Variants in SNX6 observed in about 807,000 individuals in gnomAD.
SNX6 encodes sorting nexin 6, also known as sorting nexin-6.
Under a neutral mutation model 63.0 loss-of-function variants are expected in SNX6, and 34 were observed. The ratio of observed to expected loss-of-function variants is 0.54; its 90% CI spans 0.41 to 0.72. The LOEUF is 0.72. Ranked by LOEUF, SNX6 falls within the 30% of genes least tolerant of loss-of-function variation. The pLI is 0.00. For synonymous variants in SNX6, 170 were observed against 164.2 expected (o/e 1.04, Z -0.27); for missense variants, 398 against 471.4 (o/e 0.84, Z 1.44).
intron 2 of SNX6, among the ~76,000 whole-genome samples, chr14:34,618,009 A>G (rs926729177): frequency 6.6e-6 from 1 of 152,004 alleles, no homozygotes. Flanking sequence ...AACATCCCTA[A>G]GACGTCAGTT....
chr14:34,599,485 T>C (rs893643631), intron 6 of SNX6, among the ~76,000 whole-genome samples: 13 of 151,884 alleles, frequency 8.6e-5, no homozygotes, highest in Admixed American at 7.2e-4. Context: ...CATCCGCCTA[T>C]AATCCCAGCT....
intron 9 of SNX6, among the ~76,000 whole-genome samples, chr14:34,582,741 C>T (rs1881993624): frequency 6.6e-6 from 1 of 151,712 alleles, no homozygotes; most frequent in African/African-American, 2.4e-5. Flanking sequence ...TGGGGTTTCG[C>T]CATGTTGGCC....
chr14:34,629,566 G>A (rs1461697317), intron 2 of SNX6: 4 of 581,270 alleles, frequency 6.9e-6, no homozygotes, highest in African/African-American at 5.5e-5. Flanking sequence ...GGTTTTCATG[G>A]CCCCAAAGTG....
At chr14:34,600,469 G>A (rs532511139) in intron 6 of SNX6, among the ~76,000 whole-genome samples, 1 of 151,198 alleles carries the variant, frequency 6.6e-6, no homozygotes, top group South Asian at 2.1e-4. Flanking sequence ...AAAAGAGACA[G>A]GTCTCACTAT....
intron 8 of SNX6, among the ~76,000 whole-genome samples, chr14:34,586,621 T>A (rs1882167249): frequency 6.6e-6 from 1 of 152,058 alleles, no homozygotes; most frequent in East Asian, 1.9e-4. Flanking sequence ...GGCAGGAGAA[T>A]CATCTGAACC....
At chr14:34,607,564 C>T (rs1193206630) in intron 4 of SNX6, among the ~76,000 whole-genome samples, 1 of 151,848 alleles carries the variant, frequency 6.6e-6, no homozygotes, top group Non-Finnish European at 1.5e-5. Flanking sequence ...GAACAAAGAT[C>T]AGGCCATTGC....
intron 6 of SNX6, among the ~76,000 whole-genome samples, chr14:34,599,770 T>C (rs547626131): frequency 3.4e-5 from 2 of 58,848 alleles, no homozygotes; most frequent in South Asian, 1.4e-3. Context: ...CAAGACTCTG[T>C]CTCAAAAAAA....
intron 7 of SNX6, among the ~76,000 whole-genome samples, chr14:34,597,228 T>C (rs1004590253): frequency 7.9e-5 from 12 of 152,154 alleles, no homozygotes; most frequent in Admixed American, 2.6e-4. Flanking sequence ...ACTCAGGAAG[T>C]TGCCCATATA....
chr14:34,570,205 G>A (rs897488920), intron 11 of SNX6, among the ~76,000 whole-genome samples: 1 of 151,768 alleles, frequency 6.6e-6, no homozygotes, highest in Non-Finnish European at 1.5e-5. Flanking sequence ...AGTACCTTGA[G>A]ATTACAGGCA....
chr14:34,598,943 G>A (rs1349253275), intron 6 of SNX6, among the ~76,000 whole-genome samples: 4 of 152,152 alleles, frequency 2.6e-5, no homozygotes, highest in Non-Finnish European at 5.9e-5. Context: ...TGAGGGTAGA[G>A]CCTTCATAAA....
chr14:34,607,117 C>T lies in SNX6; in HGVS notation c.270+913G>A, dbSNP rs190666499. Among the ~76,000 whole-genome samples, 227 of 152,102 alleles carry T rather than the reference C, an allele frequency of 1.5e-3. 1 individual carries two copies. Among genetic ancestry groups the T allele is most frequent in the Non-Finnish European group, 9.0e-4 (61 of 68,018 alleles). The stretch of plus-strand genomic sequence containing the variant: ...AAAACCAGTATGGTTTGTCACATCT[C>T]CTTAATCCCTAGGACAAGCCCATTT... On this transcript the variant is annotated intron_variant, in intron 4 of 13. Coordinates refer to ENST00000362031, the MANE Select transcript of SNX6 (RefSeq NM_152233.4).
intron 6 of SNX6, among the ~76,000 whole-genome samples, chr14:34,601,951 T>G (rs1882832769): frequency 6.6e-6 from 1 of 152,148 alleles, no homozygotes; most frequent in Admixed American, 6.6e-5. Flanking sequence ...CAAGTTCTAC[T>G]GAAATAACTG....
chr14:34,630,027 A>G (rs1883982846), intron 1 of SNX6, 73 bp from the exon 2 acceptor site: 2 of 1,463,672 alleles, frequency 1.4e-6, no homozygotes. Flanking sequence ...GACATTAGTG[A>G]CAGGCTGGCG....
At chr14:34,590,216 G>A (rs1882338813) in intron 8 of SNX6, among the ~76,000 whole-genome samples, 1 of 151,964 alleles carries the variant, frequency 6.6e-6, no homozygotes, top group Non-Finnish European at 1.5e-5. Flanking sequence ...ATTACGAGGT[G>A]AGGAGATTGA....
At chr14:34,585,460 C>G (rs1055166278) in intron 9 of SNX6, among the ~76,000 whole-genome samples, 1 of 152,036 alleles carries the variant, frequency 6.6e-6, no homozygotes, top group Admixed American at 6.6e-5. Flanking sequence ...GAGAATGTTG[C>G]AGAGAGCCAT....
rs559371313 is a variant in SNX6 at position 34,615,017 on chromosome 14, GTTAT to G, written c.55-5279_55-5276del. On this transcript the variant is annotated intron_variant, in intron 2 of 13. Transcript: ENST00000362031. ...CAGAGATATCTACATTTGAGAAGAT[GTTAT>G]TTATTCTTCCAATTCAAGATTATTC... Among the ~76,000 whole-genome samples, 845 of 152,114 alleles carry G rather than the reference GTTAT, an allele frequency of 5.6e-3. 3 individuals carry two copies. Among genetic ancestry groups the G allele is most frequent in the African/African-American group, 0.019 (797 of 41,496 alleles).
intron 11 of SNX6, among the ~76,000 whole-genome samples, chr14:34,573,726 T>TC (rs1358488899): frequency 6.6e-6 from 1 of 151,672 alleles, no homozygotes; most frequent in Non-Finnish European, 1.5e-5. Context: ...GCTACCTACC[T>TC]CCCTCTCCTG....
chr14:34,606,388 T>A (rs1883021017), intron 4 of SNX6, among the ~76,000 whole-genome samples: 1 of 151,376 alleles, frequency 6.6e-6, no homozygotes, highest in African/African-American at 2.4e-5. Flanking sequence ...CCTAAAGTGC[T>A]GGGATTACAG....
At chr14:34,589,758 G>T (rs114048488) in intron 8 of SNX6, among the ~76,000 whole-genome samples, 3,173 of 152,104 alleles carry the variant, frequency 0.021, 104 homozygotes, top group African/African-American at 0.068. Flanking sequence ...ACGAGACGGG[G>T]GTGGGGCAGT....
Sources: gnomAD v4.1 joint callset for allele counts (sites outside exome capture counted in the v4.1 genomes callset) on GRCh38, gnomAD v4.1.1 for gene constraint, MANE v1.5 for transcripts, NCBI Gene and HGNC (gene_info 2026-07-23, HGNC 2026-07-21) for gene names.